Variants in PXDNL observed in about 807,000 individuals in gnomAD.
The protein encoded by PXDNL is probable oxidoreductase PXDNL.
PXDNL carries 145 observed loss-of-function variants against 150.8 expected under a neutral mutation model. The ratio of observed to expected loss-of-function variants is 0.96; its 90% CI spans 0.84 to 1.10. PXDNL has a LOEUF of 1.10. PXDNL is among the 50% of genes least tolerant of loss of function. The pLI is 0.00. For missense variants in PXDNL, 2,087 were observed against 1,873.9 expected, an observed-to-expected ratio of 1.11 and a Z score of -2.10; for synonymous variants, 757 against 725.7, an observed-to-expected ratio of 1.04 and a Z score of -0.69.
intron 1 of PXDNL, among the ~76,000 whole-genome samples, chr8:51,798,162 A>T (rs1473357641): frequency 1.3e-5 from 2 of 152,184 alleles, no homozygotes; most frequent in Non-Finnish European, 2.9e-5. Flanking sequence ...TACAAAAATT[A>T]TACCTTATAC....
chr8:51,647,922 T>A (rs547422048), intron 2 of PXDNL, among the ~76,000 whole-genome samples: 3 of 152,214 alleles, frequency 2.0e-5, no homozygotes, highest in Non-Finnish European at 4.4e-5. Flanking sequence ...TTTTGCCTAT[T>A]TTTTAATATC....
At chr8:51,705,757 T>C (rs1257446922) in intron 1 of PXDNL, among the ~76,000 whole-genome samples, 1 of 152,194 alleles carries the variant, frequency 6.6e-6, no homozygotes, top group Non-Finnish European at 1.5e-5. Flanking sequence ...GCATTCAGCT[T>C]CTGGCAAAGA....
At chr8:51,460,967 T>C (rs992293155) in intron 8 of PXDNL, among the ~76,000 whole-genome samples, 2 of 152,144 alleles carry the variant, frequency 1.3e-5, no homozygotes, top group African/African-American at 4.8e-5. Flanking sequence ...CTGATCTGCA[T>C]GCTCCCTTGT....
chr8:51,360,141 A>T (rs2915484), intron 19 of PXDNL, among the ~76,000 whole-genome samples: 1 of 151,778 alleles, frequency 6.6e-6, no homozygotes, highest in Non-Finnish European at 1.5e-5. Flanking sequence ...TGTGTATCCC[A>T]GACACGTATA....
At chr8:51,531,295 G>A (rs569910872) in intron 4 of PXDNL, among the ~76,000 whole-genome samples, 17 of 152,346 alleles carry the variant, frequency 1.1e-4, no homozygotes, top group African/African-American at 3.6e-4. Context: ...AGTGATGACT[G>A]TGTCCTTCAA....
chr8:51,533,791 A>G (rs1180924503), intron 4 of PXDNL, among the ~76,000 whole-genome samples: 4 of 150,152 alleles, frequency 2.7e-5, no homozygotes, highest in South Asian at 2.1e-4. Context: ...TCAGTGCTCA[A>G]TGGTGCCCAG....
At chr8:51,516,972 T>G (rs995178163) in intron 4 of PXDNL, among the ~76,000 whole-genome samples, 1 of 152,202 alleles carries the variant, frequency 6.6e-6, no homozygotes, top group Admixed American at 6.5e-5. Flanking sequence ...AAGTTCTAAT[T>G]ATCCACCTTT....
chr8:51,355,956 G>T (rs1400762826), intron 19 of PXDNL, among the ~76,000 whole-genome samples: 3 of 152,184 alleles, frequency 2.0e-5, no homozygotes, highest in African/African-American at 7.2e-5. Context: ...GAGATTTGGA[G>T]AAAATTACAG....
intron 2 of PXDNL, among the ~76,000 whole-genome samples, chr8:51,637,525 A>C (rs1489743872): frequency 6.6e-6 from 1 of 152,208 alleles, no homozygotes; most frequent in Non-Finnish European, 1.5e-5. Flanking sequence ...TGGAGCTGAA[A>C]ACCATTGCAC....
intron 17 of PXDNL, among the ~76,000 whole-genome samples, chr8:51,379,086 T>G (rs1044380739): frequency 6.6e-6 from 1 of 152,132 alleles, no homozygotes; most frequent in African/African-American, 2.4e-5. Flanking sequence ...TTCCCATTTT[T>G]TTGTCCATGG....
At chr8:51,592,538 AT>A (rs1217054157) in intron 3 of PXDNL, 88 bp downstream of exon 3, 3 of 775,898 alleles carry the variant, frequency 3.9e-6, no homozygotes, top group Non-Finnish European at 6.2e-6. Context: ...AAGGTAAAGA[AT>A]TATTTTAATT....
chr8:51,577,932 AAAG>A (rs1400005539), intron 3 of PXDNL, among the ~76,000 whole-genome samples: 21 of 40,364 alleles, frequency 5.2e-4, no homozygotes, highest in East Asian at 1.1e-3. Context: ...GAAAAGAAAG[AAAG>A]AAAGAAAGAA....
intron 3 of PXDNL, among the ~76,000 whole-genome samples, chr8:51,587,405 G>A (rs1000677251): frequency 6.6e-6 from 1 of 152,024 alleles, no homozygotes; most frequent in Non-Finnish European, 1.5e-5. Flanking sequence ...TAATTTGAAA[G>A]CACAACTTGT....
Position 51,610,037 on chromosome 8 carries a change from AT to A in PXDNL, c.237-17340del, listed in dbSNP as rs1379773631. Among the ~76,000 whole-genome samples the A allele has an allele frequency of 2.0e-5, 3 of 151,584 alleles. No homozygotes were observed. In the East Asian group the frequency reaches 5.8e-4, roughly 29 times the overall value. On this transcript the variant is annotated intron_variant, in intron 2 of 22. Transcript: ENST00000356297. ...CTTCTATTAATACAATAATCTTTCC[AT>A]TTTTTTTCAACACGCAGCTCTAGCA...
At chr8:51,492,169 CAT>C (rs780592442) in intron 5 of PXDNL, among the ~76,000 whole-genome samples, 6 of 152,166 alleles carry the variant, frequency 3.9e-5, no homozygotes, top group East Asian at 1.9e-4. Context: ...CTTTTTTAAA[CAT>C]AAATTTTTAA....
intron 1 of PXDNL, among the ~76,000 whole-genome samples, chr8:51,778,677 C>T (rs7821278): frequency 2.4e-3 from 363 of 152,316 alleles, no homozygotes; most frequent in African/African-American, 8.4e-3. Context: ...AGCCATGATC[C>T]AAGCTCAAGT....
At chr8:51,376,076 A>G (rs1807298540) in intron 17 of PXDNL, among the ~76,000 whole-genome samples, 1 of 152,228 alleles carries the variant, frequency 6.6e-6, no homozygotes, top group Non-Finnish European at 1.5e-5. Context: ...CCAAACTGCT[A>G]TATGAAATTG....
At chr8:51,484,032 C>T (rs1487602679) in intron 5 of PXDNL, among the ~76,000 whole-genome samples, 2 of 152,068 alleles carry the variant, frequency 1.3e-5, no homozygotes, top group Non-Finnish European at 2.9e-5. Context: ...AGTAAATAGT[C>T]AATGTATTCA....
At chr8:51,600,932 T>A in intron 2 of PXDNL, among the ~76,000 whole-genome samples, 1 of 137,666 alleles carries the variant, frequency 7.3e-6, no homozygotes, top group Non-Finnish European at 1.5e-5. Context: ...AATTATATAA[T>A]TTATATAATA....
Sources: gnomAD v4.1 joint callset for allele counts (sites outside exome capture counted in the v4.1 genomes callset) on GRCh38, gnomAD v4.1.1 for gene constraint, MANE v1.5 for transcripts, NCBI Gene and HGNC (gene_info 2026-07-23, HGNC 2026-07-21) for gene names.